Variants in DLGAP4 observed in about 807,000 individuals in gnomAD.
DLGAP4 encodes disks large-associated protein 4.
DLGAP4 carries 18 observed loss-of-function variants against 86.9 expected under a neutral mutation model. The observed-to-expected ratio is 0.21, with a 90% CI of 0.14 to 0.31. The LOEUF (loss-of-function observed/expected upper bound fraction) is 0.31, where lower values mean the gene tolerates loss of function less well. Ranked by LOEUF, DLGAP4 falls within the 10% of genes least tolerant of loss-of-function variation. The pLI is 1.00. For synonymous variants in DLGAP4, 548 were observed against 574.3 expected (o/e 0.95, Z 0.65); for missense variants, 1,085 against 1,362.6 (o/e 0.80, Z 3.21).
chr20:36,513,664 A>G (rs568737119), intron 10 of DLGAP4, among the ~76,000 whole-genome samples: 16 of 151,110 alleles, frequency 1.1e-4, no homozygotes, highest in African/African-American at 3.6e-4. Flanking sequence ...ATGAGTTAGG[A>G]GGATTTAACA....
In DLGAP4 at chr20:36,525,988, G is replaced by T; in HGVS notation, c.2742G>T (p.Glu914Asp). Reference protein sequence around the residue: ...HLKANSWQLVETPEKRKEEKK... With the variant: ...HLKANSWQLVDTPEKRKEEKK... ...AGGCCAACAGCTGGCAGCTGGTGGA[G>T]ACCCCCGAGAAGAGGAAGGTGAGCA... The change falls in exon 12 of 13, where the codon GAG becomes GAT. Residue 914 changes from glutamate to aspartate, a missense_variant. By Grantham distance (45) the Glu-to-Asp change is conservative (BLOSUM62 2). Coordinates refer to ENST00000339266, the MANE Select transcript of DLGAP4 (RefSeq NM_001365621.2). 1 of 1,614,026 alleles carries T rather than the reference G, an allele frequency of 6.2e-7. No homozygotes were observed.
chr20:36,326,784 G>A (rs1436908755), intron 1 of DLGAP4, among the ~76,000 whole-genome samples: 3 of 151,800 alleles, frequency 2.0e-5, no homozygotes, highest in African/African-American at 7.3e-5. Context: ...GCTTTAATGT[G>A]TCTGAAAAAG....
In DLGAP4 at chr20:36,413,413, C is replaced by CTTTTTTTT. The variant is rs71184094; in HGVS notation, c.-72-18218_-72-18211dup. ...TTCCTGTTGATTTGCTTGTTCTGGA[C>CTTTTTTTT]TTTTTTTTTTTTTTTTTTTTTTGAG... On this transcript the variant is annotated intron_variant, in intron 2 of 12. Transcript: ENST00000339266. 8.4e-5 allele frequency among the ~76,000 whole-genome samples: 6 copies of CTTTTTTTT among 71,028 alleles called. 1 individual carries two copies. Among genetic ancestry groups the CTTTTTTTT allele is most frequent in the Non-Finnish European group, 9.9e-5 (4 of 40,542 alleles). 46.6% of individuals were successfully genotyped at this position (71,028 alleles called of 152,430 possible).
chr20:36,310,932 G>T (rs2147330555), intron 1 of DLGAP4, among the ~76,000 whole-genome samples: 1 of 152,250 alleles, frequency 6.6e-6, no homozygotes, highest in East Asian at 1.9e-4. Flanking sequence ...CGGAATATGG[G>T]GGGATGCTTT....
intron 10 of DLGAP4, among the ~76,000 whole-genome samples, chr20:36,515,906 G>T (rs901320682): frequency 6.6e-6 from 1 of 152,222 alleles, no homozygotes; most frequent in African/African-American, 2.4e-5. Flanking sequence ...TCATTCTCAA[G>T]AATGTCTCAG....
chr20:36,461,527 G>GGTC, intron 7 of DLGAP4: 1 of 982,522 alleles, frequency 1.0e-6, no homozygotes, highest in East Asian at 1.1e-4. Flanking sequence ...GCCCGCCGCT[G>GGTC]GCCGCCGCCG....
intron 2 of DLGAP4, among the ~76,000 whole-genome samples, chr20:36,406,795 T>A (rs1318146083): frequency 6.6e-6 from 1 of 152,126 alleles, no homozygotes; most frequent in Non-Finnish European, 1.5e-5. Context: ...CCTGGAATCC[T>A]AGACTGTGTG....
chr20:36,317,264 TTTC>T (rs2065113049), intron 1 of DLGAP4, among the ~76,000 whole-genome samples: 24 of 46,052 alleles, frequency 5.2e-4, no homozygotes, highest in African/African-American at 3.1e-3. Context: ...TCTTTCTTTC[TTTC>T]TTTCTTTCTT....
chr20:36,353,236 G>A (rs1555893581), intron 1 of DLGAP4, among the ~76,000 whole-genome samples: 1 of 152,218 alleles, frequency 6.6e-6, no homozygotes, highest in Admixed American at 6.5e-5. Context: ...AGGGGTTTTA[G>A]ACAGGGCAGC....
intron 3 of DLGAP4, among the ~76,000 whole-genome samples, chr20:36,435,539 A>T (rs542727111): frequency 6.6e-6 from 1 of 152,306 alleles, no homozygotes; most frequent in East Asian, 1.9e-4. Context: ...TTTCCAGCTC[A>T]CCATGTGGCT....
At chr20:36,310,276 C>A (rs987717552) in intron 1 of DLGAP4, among the ~76,000 whole-genome samples, 60 of 151,780 alleles carry the variant, frequency 4.0e-4, no homozygotes, top group Non-Finnish European at 3.7e-4. Context: ...GGCAGGAAGG[C>A]AGCCACATGC....
In DLGAP4 at chr20:36,427,978, A is replaced by G. The variant is rs572618437; in HGVS notation, c.-72-3668A>G. Among the ~76,000 whole-genome samples the G allele has an allele frequency of 3.3e-5, 5 of 152,296 alleles. No individual in the cohort carries two copies. The East Asian group carries it at 7.7e-4, about 23-fold the overall frequency. On this transcript the variant is annotated intron_variant, in intron 2 of 12. Coordinates refer to ENST00000339266, the MANE Select transcript of DLGAP4 (RefSeq NM_001365621.2). The stretch of plus-strand genomic sequence containing the variant: ...AAATAAAAAAGGGAAAAAAAACTGG[A>G]AAAATACAATCCATAATATGCAGCT...
chr20:36,381,179 G>A (rs559374301), intron 2 of DLGAP4, among the ~76,000 whole-genome samples: 7 of 152,206 alleles, frequency 4.6e-5, no homozygotes, highest in African/African-American at 1.7e-4. Context: ...CATTCATTCA[G>A]CAAGCAAGCA....
chr20:36,507,546 G>C (rs1225287124), intron 10 of DLGAP4, among the ~76,000 whole-genome samples: 1 of 152,036 alleles, frequency 6.6e-6, no homozygotes, highest in African/African-American at 2.4e-5. Context: ...AAGTTTTAAG[G>C]TCACCCCTCT....
At chr20:36,462,681 G>T (rs957901178) in intron 7 of DLGAP4, 12 of 1,515,738 alleles carry the variant, frequency 7.9e-6, no homozygotes, top group African/African-American at 4.3e-5. Context: ...TGGCGCTGGG[G>T]CAAGGGCTGG....
chr20:36,523,671 T>C lies in DLGAP4; in HGVS notation c.2513-579T>C, dbSNP rs1319071701. ...AAAAATATTTATGAGTCTAATCAGA[T>C]TTTTTATTTTGAGACTGAGTCTCCC... On this transcript the variant is annotated intron_variant, in intron 10 of 12. Transcript: ENST00000339266. 2.6e-5 allele frequency among the ~76,000 whole-genome samples: 4 copies of C among 152,146 alleles called. No individual in the cohort carries two copies. The East Asian group carries it at 7.7e-4, about 29-fold the overall frequency.
intron 2 of DLGAP4, among the ~76,000 whole-genome samples, chr20:36,430,205 C>T (rs2033090502): frequency 6.6e-6 from 1 of 152,216 alleles, no homozygotes; most frequent in Admixed American, 6.5e-5. Context: ...GCAACTGCAC[C>T]TAAATGCCAC....
intron 7 of DLGAP4, among the ~76,000 whole-genome samples, chr20:36,450,430 G>A (rs1290958408): frequency 6.6e-6 from 1 of 152,128 alleles, no homozygotes; most frequent in Non-Finnish European, 1.5e-5. Context: ...CCCGGGAGGT[G>A]GAGGTTGCAG....
At chr20:36,394,698 T>G (rs1180028502) in intron 2 of DLGAP4, among the ~76,000 whole-genome samples, 1 of 79,994 alleles carries the variant, frequency 1.3e-5, no homozygotes, top group African/African-American at 5.0e-5. Context: ...TTCCGGTCCC[T>G]CTCCCAGCCT....
Sources: gnomAD v4.1 joint callset for allele counts (sites outside exome capture counted in the v4.1 genomes callset) on GRCh38, gnomAD v4.1.1 for gene constraint, MANE v1.5 for transcripts, NCBI Gene and HGNC (gene_info 2026-07-23, HGNC 2026-07-21) for gene names.